ARHGAP35: variants seen among roughly 807,000 people sequenced by gnomAD.
ARHGAP35 encodes Rho GTPase activating protein 35, also known as rho GTPase-activating protein 35.
Under a neutral mutation model 111.1 loss-of-function variants are expected in ARHGAP35, and 15 were observed. That is an observed-to-expected ratio of 0.13 (90% CI 0.09 to 0.21). The LOEUF (loss-of-function observed/expected upper bound fraction) is 0.21, where lower values mean the gene tolerates loss of function less well. Among genes scored for constraint, ARHGAP35 ranks in the 10% least tolerant of loss-of-function variants. The pLI, the probability that ARHGAP35 is intolerant of heterozygous loss-of-function variation, is 1.00. For missense variants in ARHGAP35, 1,262 were observed against 1,873.0 expected (o/e 0.67, Z 6.02); for synonymous variants, 643 against 710.3 (o/e 0.91, Z 1.51).
At position 46,983,796 on chromosome 19, in the gene ARHGAP35, T is replaced by C. The variant is rs561904426; in HGVS notation, c.3827-4193T>C. 2.0e-5 allele frequency among the ~76,000 whole-genome samples: 3 copies of C among 152,032 alleles called. No homozygotes were observed. In the South Asian group the frequency reaches 6.2e-4, roughly 32 times the overall value. Reference sequence around the variant, plus strand: ...GCCTGGCTAATTTTTTTTGTATTTTTAGTAGAGACGGGGTTTCACAATGTT... The same window carrying C: ...GCCTGGCTAATTTTTTTTGTATTTTCAGTAGAGACGGGGTTTCACAATGTT... On this transcript the variant is annotated intron_variant, in intron 3 of 6. Transcript: ENST00000672722.
At chr19:46,915,191 C>T (rs1158790545) in intron 1 of ARHGAP35, among the ~76,000 whole-genome samples, 1 of 152,180 alleles carries the variant, frequency 6.6e-6, no homozygotes, top group Non-Finnish European at 1.5e-5. Flanking sequence ...TTTAGATATT[C>T]ATAAGCATCT....
intron 1 of ARHGAP35, among the ~76,000 whole-genome samples, chr19:46,909,577 C>T (rs980036273): frequency 1.3e-5 from 2 of 152,130 alleles, no homozygotes; most frequent in African/African-American, 4.8e-5. Flanking sequence ...ACTGCCTGTA[C>T]CCAGAGCCCT....
intron 2 of ARHGAP35, among the ~76,000 whole-genome samples, chr19:46,931,445 G>A (rs936571618): frequency 3.9e-5 from 6 of 152,164 alleles, no homozygotes; most frequent in Non-Finnish European, 8.8e-5. Context: ...GGCAGTGACA[G>A]ATGCAGCTTC....
Position 46,911,319 on chromosome 19 carries a change from T to C in ARHGAP35, c.-188-7169T>C, listed in dbSNP as rs565173187. Among the ~76,000 whole-genome samples the C allele has an allele frequency of 1.3e-4, 20 of 152,324 alleles. 1 individual carries two copies. In the South Asian group the frequency reaches 2.5e-3, roughly 19 times the overall value. ...ATGGTCTATACCATTTATTGTCTTA[T>C]GGTTTGGCTATTTTTTTTAAGTGTA... On this transcript the variant is annotated intron_variant, in intron 1 of 6. Transcript: ENST00000672722.
intron 2 of ARHGAP35, among the ~76,000 whole-genome samples, chr19:46,936,401 A>G (rs894221618): frequency 6.6e-6 from 1 of 152,230 alleles, no homozygotes; most frequent in African/African-American, 2.4e-5. Context: ...TTGTTTGATT[A>G]GTCGACTTTA....
At chr19:46,998,598 G>A (rs550713010) in intron 5 of ARHGAP35, among the ~76,000 whole-genome samples, 1 of 152,222 alleles carries the variant, frequency 6.6e-6, no homozygotes, top group East Asian at 1.9e-4. Context: ...TCAAAATGGG[G>A]TGACGAGTTC....
chr19:46,920,069 A>G lies in ARHGAP35; in HGVS notation c.1394A>G (p.Tyr465Cys), dbSNP rs766212637. ...AGTTTTATTATGAATGAGGATTTCT[A>G]CCAGTGGCTGGAGGAATCTGTATAC... ...ARSFIMNEDF[Y>C]QWLEESVYMD... Residue 465 changes from tyrosine to cysteine, a missense_variant, in exon 2 of 7, where the codon TAC (tyrosine) becomes TGC (cysteine). Transcript: ENST00000672722. This position sits in a 1 kb window ranked among gnomAD's most constrained non-coding sequence, Gnocchi z 7.0. 1.9e-6 allele frequency: 3 copies of G among 1,613,708 alleles called. No homozygotes were observed. The highest frequency in any genetic ancestry group is 3.3e-5 in the Admixed American group (2 of 59,926).
chr19:46,900,290 C>T (rs6509298), intron 1 of ARHGAP35, among the ~76,000 whole-genome samples: 86,788 of 148,594 alleles, frequency 0.58, 25,629 homozygotes, highest in Middle Eastern at 0.78. Flanking sequence ...GGTGCAATCT[C>T]GGCTCACTGC....
chr19:46,998,298 C>G (rs1054022189), intron 5 of ARHGAP35, among the ~76,000 whole-genome samples: 1 of 152,230 alleles, frequency 6.6e-6, no homozygotes, highest in Non-Finnish European at 1.5e-5. Flanking sequence ...ACCACCCCCA[C>G]AGCCGCCAGC....
chr19:46,890,122 C>A (rs2056016830), intron 1 of ARHGAP35, among the ~76,000 whole-genome samples: 1 of 152,140 alleles, frequency 6.6e-6, no homozygotes, highest in Non-Finnish European at 1.5e-5. Context: ...TAACACTGAG[C>A]CCCATGGCCT....
chr19:46,912,520 A>AT (rs2056142778), intron 1 of ARHGAP35, among the ~76,000 whole-genome samples: 1 of 151,232 alleles, frequency 6.6e-6, no homozygotes, highest in Non-Finnish European at 1.5e-5. Context: ...CGCCCAGCTA[A>AT]TTTTTTGTAT....
At chr19:46,950,170 T>A (rs867804537) in intron 3 of ARHGAP35, among the ~76,000 whole-genome samples, 2 of 152,256 alleles carry the variant, frequency 1.3e-5, no homozygotes, top group Admixed American at 1.3e-4. Context: ...CACATTTTTG[T>A]ACCTGGCTTC....
At chr19:46,864,765 G>T (rs565841969) in intron 1 of ARHGAP35, among the ~76,000 whole-genome samples, 1 of 152,286 alleles carries the variant, frequency 6.6e-6, no homozygotes, top group Non-Finnish European at 1.5e-5. Context: ...GTTCATTTCC[G>T]TTGGTAAATT....
intron 3 of ARHGAP35, among the ~76,000 whole-genome samples, chr19:46,976,807 G>A (rs1287514745): frequency 6.6e-6 from 1 of 152,224 alleles, no homozygotes; most frequent in Non-Finnish European, 1.5e-5. Context: ...GCCTGACTGT[G>A]CCATTGAATT....
intron 3 of ARHGAP35, among the ~76,000 whole-genome samples, chr19:46,982,654 G>A (rs2056627128): frequency 6.6e-6 from 1 of 152,036 alleles, no homozygotes; most frequent in African/African-American, 2.4e-5. Context: ...AGACTTCTCT[G>A]GAGCCTTAGA....
At chr19:46,959,462 G>T (rs1049404365) in intron 3 of ARHGAP35, among the ~76,000 whole-genome samples, 1 of 151,648 alleles carries the variant, frequency 6.6e-6, no homozygotes, top group Non-Finnish European at 1.5e-5. Flanking sequence ...GCAATGACAG[G>T]ATCTCTGCTC....
intron 1 of ARHGAP35, among the ~76,000 whole-genome samples, chr19:46,883,198 G>T (rs975890603): frequency 1.3e-5 from 2 of 151,874 alleles, no homozygotes; most frequent in South Asian, 2.1e-4. Context: ...AGGTTCAAGC[G>T]ATCCTCCTGC....
At chr19:46,969,783 C>T (rs2056534550) in intron 3 of ARHGAP35, among the ~76,000 whole-genome samples, 1 of 152,206 alleles carries the variant, frequency 6.6e-6, no homozygotes, top group South Asian at 2.1e-4. Flanking sequence ...GATCTGTCTG[C>T]TACAAGTGTT....
At chr19:46,956,353 G>A (rs2056439072) in intron 3 of ARHGAP35, among the ~76,000 whole-genome samples, 2 of 151,854 alleles carry the variant, frequency 1.3e-5, no homozygotes, top group South Asian at 4.2e-4. Context: ...TCTATGCTGT[G>A]TGTATAAGGT....
Sources: allele counts gnomAD v4.1 joint callset (sites outside exome capture counted in the v4.1 genomes callset), GRCh38; gene constraint gnomAD v4.1.1; non-coding constraint Gnocchi (gnomAD v3.1); transcripts MANE v1.5; gene names NCBI Gene and HGNC (gene_info 2026-07-23, HGNC 2026-07-21).